TSNARE1: variants seen among roughly 807,000 people sequenced by gnomAD.
The protein encoded by TSNARE1 is t-SNARE domain-containing protein 1.
TSNARE1 carries 49 observed loss-of-function variants against 62.0 expected under a neutral mutation model. The observed-to-expected ratio is 0.79, with a 90% CI of 0.63 to 1.00. The LOEUF (loss-of-function observed/expected upper bound fraction) is 1.00. Ranked by LOEUF, TSNARE1 falls within the 50% of genes least tolerant of loss-of-function variation. TSNARE1 has a pLI of 0.00. For missense variants in TSNARE1, 755 were observed against 700.1 expected, an observed-to-expected ratio of 1.08 and a Z score of -0.88; for synonymous variants, 328 against 294.4, an observed-to-expected ratio of 1.11 and a Z score of -1.17.
At chr8:142,239,432 A>G (rs1586821828) in intron 12 of TSNARE1, among the ~76,000 whole-genome samples, 2 of 152,362 alleles carry the variant, frequency 1.3e-5, no homozygotes, top group African/African-American at 4.8e-5. Flanking sequence ...TTAAAGGTCC[A>G]TGCATTATTC....
chr8:142,302,013 G>T (rs1329992879), intron 9 of TSNARE1, among the ~76,000 whole-genome samples: 1 of 152,198 alleles, frequency 6.6e-6, no homozygotes, highest in Non-Finnish European at 1.5e-5. Context: ...CAGGCCCACT[G>T]ATGCCACGCC....
chr8:142,336,519 T>C (rs1264566049), intron 4 of TSNARE1, among the ~76,000 whole-genome samples: 3 of 152,058 alleles, frequency 2.0e-5, no homozygotes, highest in African/African-American at 4.8e-5. Flanking sequence ...CTGACTAAGA[T>C]AAAACAATTC....
chr8:142,289,561 G>A (rs776416031), intron 10 of TSNARE1, among the ~76,000 whole-genome samples: 27 of 152,248 alleles, frequency 1.8e-4, no homozygotes, highest in Non-Finnish European at 3.4e-4. Flanking sequence ...TGCAGGCTAC[G>A]AACACACCAC....
chr8:142,383,623 G>A lies in TSNARE1; in HGVS notation c.-40+19481C>T, dbSNP rs572418485. Among the ~76,000 whole-genome samples the A allele has an allele frequency of 9.8e-5, 15 of 152,302 alleles. No homozygotes were observed. In the East Asian group the frequency reaches 1.9e-3, roughly 20 times the overall value. On this transcript the variant is annotated intron_variant, in intron 1 of 13. Transcript: ENST00000524325. ...CCAGAGCTGGAGGCCCTACTGTCACGGCAGGGGGCAGGAGTGTGGACACGT... is the reference window on the plus strand; with the variant it reads ...CCAGAGCTGGAGGCCCTACTGTCACAGCAGGGGGCAGGAGTGTGGACACGT...
At chr8:142,241,677 G>C (rs1345885968) in intron 12 of TSNARE1, among the ~76,000 whole-genome samples, 2 of 152,172 alleles carry the variant, frequency 1.3e-5, no homozygotes, top group Non-Finnish European at 2.9e-5. Flanking sequence ...TGAAACAGAA[G>C]AGAAGGCCCA....
intron 6 of TSNARE1, among the ~76,000 whole-genome samples, chr8:142,327,347 G>A (rs568956135): frequency 2.0e-5 from 3 of 151,984 alleles, no homozygotes; most frequent in East Asian, 3.9e-4. Flanking sequence ...GAATGGGTCC[G>A]TCCTTACAGT....
chr8:142,394,488 C>T (rs1228662576), intron 1 of TSNARE1, among the ~76,000 whole-genome samples: 2 of 152,170 alleles, frequency 1.3e-5, no homozygotes, highest in Admixed American at 6.5e-5. Context: ...GGCAGCAGGT[C>T]TAAGACTAGA....
chr8:142,401,452 T>C lies in TSNARE1; in HGVS notation c.-40+1652A>G, dbSNP rs769222120. On this transcript the variant is annotated intron_variant, in intron 1 of 13. Coordinates refer to ENST00000524325, the MANE Select transcript of TSNARE1 (RefSeq NM_145003.5). Reference sequence around the variant, plus strand: ...ACTGTCAGGGACATAAAGCAGGGACTGAAGATGTGGCAGGAGCTGCTGGCA... The same window carrying C: ...ACTGTCAGGGACATAAAGCAGGGACCGAAGATGTGGCAGGAGCTGCTGGCA... 1.5e-4 allele frequency among the ~76,000 whole-genome samples: 23 copies of C among 152,274 alleles called. No homozygotes were observed. In the Middle Eastern group the frequency reaches 0.01, roughly 68 times the overall value.
chr8:142,390,642 CTGTAA>C (rs1319669779), intron 1 of TSNARE1, among the ~76,000 whole-genome samples: 11 of 17,868 alleles, frequency 6.2e-4, no homozygotes, highest in Admixed American at 8.4e-4. Context: ...GCGGGGGACT[CTGTAA>C]CAGAAGCTGT....
At chr8:142,275,020 G>T in intron 11 of TSNARE1, 157 bp from the exon 12 acceptor site, 1 of 985,468 alleles carries the variant, frequency 1.0e-6, no homozygotes, top group Non-Finnish European at 1.2e-6. Flanking sequence ...ACGTGCCGAG[G>T]GCTCCGCGTG....
intron 1 of TSNARE1, among the ~76,000 whole-genome samples, chr8:142,378,967 G>A (rs994966012): frequency 8.5e-5 from 13 of 152,192 alleles, no homozygotes; most frequent in African/African-American, 3.1e-4. Flanking sequence ...CCACCAGCAG[G>A]CTCTGTGGTC....
intron 11 of TSNARE1, among the ~76,000 whole-genome samples, chr8:142,283,066 G>A (rs1221067108): frequency 6.8e-6 from 1 of 148,062 alleles, no homozygotes; most frequent in Non-Finnish European, 1.5e-5. Context: ...CTGTCAGTGA[G>A]CGGAGGTGGG....
At chr8:142,278,705 G>A (rs866327129) in intron 11 of TSNARE1, 28 of 985,328 alleles carry the variant, frequency 2.8e-5, no homozygotes, top group East Asian at 2.3e-4. Context: ...CCTGGCTTCC[G>A]GTGGTCCCTG....
At chr8:142,249,114 A>G (rs901736881) in intron 12 of TSNARE1, among the ~76,000 whole-genome samples, 15 of 152,220 alleles carry the variant, frequency 9.9e-5, no homozygotes, top group Admixed American at 2.6e-4. Flanking sequence ...CAGGCGCCCA[A>G]TGCCCCTTCC....
At chr8:142,361,224 T>G (rs1453191021) in intron 1 of TSNARE1, among the ~76,000 whole-genome samples, 1 of 152,236 alleles carries the variant, frequency 6.6e-6, no homozygotes, top group African/African-American at 2.4e-5. Context: ...CAGACAGGCC[T>G]GGCCTGCTCT....
At chr8:142,280,076 G>A (rs781115072) in intron 11 of TSNARE1, 17 of 1,218,898 alleles carry the variant, frequency 1.4e-5, no homozygotes, top group Middle Eastern at 3.6e-4. Flanking sequence ...TGCAGGATGC[G>A]GCTCCACACG....
At chr8:142,300,893 CG>C (rs1252955100) in intron 9 of TSNARE1, among the ~76,000 whole-genome samples, 1 of 152,190 alleles carries the variant, frequency 6.6e-6, no homozygotes, top group East Asian at 1.9e-4. Flanking sequence ...TCAGCCCCCC[CG>C]CATCAGGTCC....
At chr8:142,305,878 C>T (rs541629211) in intron 9 of TSNARE1, among the ~76,000 whole-genome samples, 3 of 152,320 alleles carry the variant, frequency 2.0e-5, no homozygotes, top group East Asian at 1.9e-4. Context: ...CATGCTCTAA[C>T]GTGAGTGCTG....
intron 2 of TSNARE1, 54 bp from the exon 3 acceptor site, chr8:142,345,946 A>G (rs1406613917): frequency 1.3e-6 from 2 of 1,574,814 alleles, no homozygotes; most frequent in Non-Finnish European, 1.7e-6. Flanking sequence ...CGCTCCTGGC[A>G]GTGCCAGGCC....
Sources: gnomAD v4.1 joint callset for allele counts (sites outside exome capture counted in the v4.1 genomes callset) on GRCh38, gnomAD v4.1.1 for gene constraint, MANE v1.5 for transcripts, NCBI Gene and HGNC (gene_info 2026-07-23, HGNC 2026-07-21) for gene names.